The following CFAP221 variants were observed in gnomAD, a reference collection of about 807,000 sequenced individuals.
CFAP221 encodes cilia and flagella associated protein 221, also known as cilia- and flagella-associated protein 221.
A neutral mutation model predicts 113.1 loss-of-function variants in CFAP221; 97 were observed. The ratio of observed to expected loss-of-function variants is 0.86; its 90% CI spans 0.73 to 1.02. The LOEUF (loss-of-function observed/expected upper bound fraction) is 1.02. CFAP221 is among the 50% of genes least tolerant of loss of function. CFAP221 has a pLI of 0.00. For synonymous variants in CFAP221, 331 were observed against 354.4 expected (o/e 0.93, Z 0.74); for missense variants, 1,025 against 1,013.4 (o/e 1.01, Z -0.16).
At chr2:119,630,312 T>G (rs183916669) in intron 17 of CFAP221, among the ~76,000 whole-genome samples, 2 of 152,340 alleles carry the variant, frequency 1.3e-5, no homozygotes, top group East Asian at 3.9e-4. Context: ...TATTTTGGTG[T>G]GCTTCTACAC....
chr2:119,545,978 C>A, intron 1 of CFAP221, 107 bp from the exon 2 acceptor site: 1 of 766,578 alleles, frequency 1.3e-6, no homozygotes, highest in Non-Finnish European at 2.0e-6. Flanking sequence ...CCAGGGAGGG[C>A]ATGAACCACA....
intron 7 of CFAP221, among the ~76,000 whole-genome samples, chr2:119,599,692 GC>G (rs951172788): frequency 2.6e-5 from 4 of 152,148 alleles, no homozygotes; most frequent in Admixed American, 1.3e-4. Flanking sequence ...CACAAGGGGG[GC>G]CTTTCCTTTC....
intron 14 of CFAP221, 25 bp downstream of exon 14, chr2:119,615,734 T>C: frequency 1.3e-6 from 2 of 1,548,194 alleles, no homozygotes; most frequent in Non-Finnish European, 1.8e-6. Context: ...CAGCTGGAAA[T>C]GTTGATTTGT....
chr2:119,607,365 T>C (rs547147741), intron 11 of CFAP221, among the ~76,000 whole-genome samples: 2 of 152,298 alleles, frequency 1.3e-5, no homozygotes, highest in African/African-American at 4.8e-5. Context: ...ACCATTTGTA[T>C]TTAGCTTGCA....
intron 7 of CFAP221, chr2:119,589,491 C>T (rs532111686): frequency 1.3e-5 from 2 of 152,340 alleles, no homozygotes; most frequent in South Asian, 4.1e-4. Flanking sequence ...GCTAATTTTA[C>T]ACAGTTAGCA....
At chr2:119,601,853 A>G (rs1374189892) in intron 8 of CFAP221, among the ~76,000 whole-genome samples, 1 of 152,268 alleles carries the variant, frequency 6.6e-6, no homozygotes, top group African/African-American at 2.4e-5. Flanking sequence ...GTGATTTCAC[A>G]TGAGGCAGTG....
intron 6 of CFAP221, among the ~76,000 whole-genome samples, chr2:119,579,015 C>T (rs552969326): frequency 3.3e-5 from 5 of 152,134 alleles, no homozygotes; most frequent in East Asian, 1.9e-4. Flanking sequence ...CATAAAATTT[C>T]CACATGATTG....
At chr2:119,632,844 A>G (rs1479122489) in intron 19 of CFAP221, among the ~76,000 whole-genome samples, 1 of 152,194 alleles carries the variant, frequency 6.6e-6, no homozygotes, top group Admixed American at 6.5e-5. Flanking sequence ...GTATACTAGC[A>G]ACAAACATTC....
chr2:119,577,543 G>A (rs1422570280), intron 6 of CFAP221, among the ~76,000 whole-genome samples: 4 of 152,188 alleles, frequency 2.6e-5, no homozygotes, highest in Non-Finnish European at 5.9e-5. Flanking sequence ...CTATAGTACA[G>A]CAGGTAAGAG....
chr2:119,574,042 G>A (rs1286332192), intron 6 of CFAP221, among the ~76,000 whole-genome samples: 1 of 152,188 alleles, frequency 6.6e-6, no homozygotes, highest in East Asian at 1.9e-4. Context: ...TAGACTTGTG[G>A]TTCCTAGAGA....
At chr2:119,579,993 A>G (rs1052046258) in intron 6 of CFAP221, among the ~76,000 whole-genome samples, 9 of 152,148 alleles carry the variant, frequency 5.9e-5, no homozygotes, top group South Asian at 2.1e-4. Flanking sequence ...GGGCCTTTCA[A>G]CACTTCACAT....
intron 6 of CFAP221, among the ~76,000 whole-genome samples, chr2:119,583,314 TTA>T (rs1682970629): frequency 6.6e-6 from 1 of 151,928 alleles, no homozygotes; most frequent in Non-Finnish European, 1.5e-5. Flanking sequence ...CCATTCAGTA[TTA>T]TACTAGAAGT....
rs1490479642 is a variant in CFAP221, at chr2:119,604,776, A to G, written c.896A>G (p.Lys299Arg). Reference protein sequence around the residue: ...INFHRPPAKPKPQKVKEIEYQ... With the variant: ...INFHRPPAKPRPQKVKEIEYQ... ...TTTCACCGACCGCCAGCGAAGCCGAAGCCTCAGAAGGTGAAGGTACGGTGG... is the reference window on the plus strand; with the variant it reads ...TTTCACCGACCGCCAGCGAAGCCGAGGCCTCAGAAGGTGAAGGTACGGTGG... The change falls in exon 9 of 24, where the codon AAG becomes AGG. Residue 299 changes from lysine to arginine, a missense_variant. By Grantham distance (26) the Lys-to-Arg change is conservative. Transcript: ENST00000413369. The G allele has an allele frequency of 6.5e-7, 1 of 1,545,694 alleles. No individual in the cohort carries two copies. Among genetic ancestry groups the G allele is most frequent in the Non-Finnish European group, 8.7e-7 (1 of 1,149,920 alleles).
intron 19 of CFAP221, among the ~76,000 whole-genome samples, chr2:119,631,979 A>C (rs1325681511): frequency 1.3e-5 from 2 of 152,240 alleles, no homozygotes; most frequent in East Asian, 1.9e-4. Flanking sequence ...AAATAGCCAA[A>C]ATAGCTTTAT....
intron 6 of CFAP221, among the ~76,000 whole-genome samples, chr2:119,565,992 T>C (rs1056360063): frequency 6.6e-6 from 1 of 152,238 alleles, no homozygotes; most frequent in African/African-American, 2.4e-5. Flanking sequence ...AGTGTTAGGT[T>C]CTGAGGATGC....
chr2:119,629,702 G>A (rs1393548129), intron 16 of CFAP221, among the ~76,000 whole-genome samples, 173 bp from the exon 17 acceptor site: 2 of 152,196 alleles, frequency 1.3e-5, no homozygotes, highest in African/African-American at 4.8e-5. Flanking sequence ...ATGGAGGAGG[G>A]GGTGATCAGG....
chr2:119,585,322 T>C (rs530494575), intron 6 of CFAP221, among the ~76,000 whole-genome samples: 82 of 152,362 alleles, frequency 5.4e-4, no homozygotes, highest in African/African-American at 1.9e-3. Flanking sequence ...GGGTCACTTA[T>C]AAAATTTGAT....
rs1349146827 is a variant in CFAP221 at position 119,604,880 on chromosome 2, T to C, written c.917T>C (p.Ile306Thr). 6.2e-6 allele frequency: 10 copies of C among 1,613,868 alleles called. No individual in the cohort carries two copies. Among genetic ancestry groups the C allele is most frequent in the Admixed American group, 3.3e-5 (2 of 59,970 alleles). Residue 306 changes from isoleucine to threonine, a missense_variant, in exon 10 of 24, where the codon ATT (isoleucine) becomes ACT (threonine). Transcript: ENST00000413369. ...CCTATTGATTTGGTCTCTTAGGAAA[T>C]TGAGTACCAGAACCTCAGATTTCCA... ...AKPKPQKVKE[I>T]EYQNLRFPVD...
At chr2:119,565,483 A>T (rs1558917785) in intron 6 of CFAP221, among the ~76,000 whole-genome samples, 1 of 152,222 alleles carries the variant, frequency 6.6e-6, no homozygotes, top group Non-Finnish European at 1.5e-5. Flanking sequence ...TGGTGAAAAT[A>T]ATATGCCTAA....
Sources: gnomAD v4.1 joint callset for allele counts (sites outside exome capture counted in the v4.1 genomes callset) on GRCh38, gnomAD v4.1.1 for gene constraint, MANE v1.5 for transcripts, NCBI Gene and HGNC (gene_info 2026-07-23, HGNC 2026-07-21) for gene names.